The following ST6GALNAC3 variants were observed in gnomAD, a reference collection of about 807,000 sequenced individuals.
ST6GALNAC3 encodes ST6 N-acetylgalactosaminide alpha-2,6-sialyltransferase 3.
Under a neutral mutation model 32.7 loss-of-function variants are expected in ST6GALNAC3, and 25 were observed. That is an observed-to-expected ratio of 0.76 (90% CI 0.56 to 1.07). The LOEUF (loss-of-function observed/expected upper bound fraction) is 1.07. Ranked by LOEUF, ST6GALNAC3 falls within the 50% of genes least tolerant of loss-of-function variation. The probability of loss-of-function intolerance (pLI) is 0.00; values close to 1 mark genes in which losing one functional copy is unlikely to be tolerated. For synonymous variants in ST6GALNAC3, 129 were observed against 133.1 expected, an observed-to-expected ratio of 0.97 and a Z score of 0.21; for missense variants, 355 against 382.4, an observed-to-expected ratio of 0.93 and a Z score of 0.60.
intron 3 of ST6GALNAC3, among the ~76,000 whole-genome samples, chr1:76,448,839 G>A (rs970879664): frequency 6.6e-6 from 1 of 151,928 alleles, no homozygotes; most frequent in African/African-American, 2.4e-5. Context: ...CCCAGTCTTG[G>A]GTATGTCTTT....
chr1:76,508,026 T>TA (rs1661586012), intron 3 of ST6GALNAC3, among the ~76,000 whole-genome samples: 1 of 152,218 alleles, frequency 6.6e-6, no homozygotes, highest in African/African-American at 2.4e-5. Flanking sequence ...TCCTGTTGGC[T>TA]AATAATGTTG....
At chr1:76,303,098 G>T (rs1375241838) in intron 1 of ST6GALNAC3, among the ~76,000 whole-genome samples, 1 of 102,156 alleles carries the variant, frequency 9.8e-6, no homozygotes. Context: ...AAAGGTCACA[G>T]TCCTATGCAA....
intron 1 of ST6GALNAC3, among the ~76,000 whole-genome samples, chr1:76,096,950 G>A (rs1483817765): frequency 9.2e-5 from 13 of 141,698 alleles, no homozygotes; most frequent in Admixed American, 8.8e-4. Context: ...ACAGAGTCTC[G>A]CTTTTTTACC....
chr1:76,340,294 A>T (rs768464700), intron 2 of ST6GALNAC3, among the ~76,000 whole-genome samples: 2 of 152,254 alleles, frequency 1.3e-5, no homozygotes, highest in Non-Finnish European at 2.9e-5. Flanking sequence ...GCCTAGAAAT[A>T]GGAGTATTTT....
At chr1:76,443,319 T>C (rs1571243612) in intron 3 of ST6GALNAC3, among the ~76,000 whole-genome samples, 1 of 152,160 alleles carries the variant, frequency 6.6e-6, no homozygotes, top group African/African-American at 2.4e-5. Flanking sequence ...GTGTTATCTA[T>C]GGATAAACTT....
chr1:76,568,158 T>G (rs1158323828), intron 3 of ST6GALNAC3, among the ~76,000 whole-genome samples: 11 of 152,188 alleles, frequency 7.2e-5, no homozygotes, highest in African/African-American at 2.7e-4. Flanking sequence ...CATTCCATCT[T>G]GTATCATTCC....
At chr1:76,476,782 T>G (rs759336870) in intron 3 of ST6GALNAC3, among the ~76,000 whole-genome samples, 9 of 152,158 alleles carry the variant, frequency 5.9e-5, no homozygotes, top group Non-Finnish European at 1.2e-4. Flanking sequence ...TTTATGAAAA[T>G]GAGCAGCTGG....
Position 76,611,724 on chromosome 1 carries a change from G to A in ST6GALNAC3, c.624-15728G>A, listed in dbSNP as rs548386375. On this transcript the variant is annotated intron_variant, in intron 3 of 4. Transcript: ENST00000328299. ...TAATAATAATCAAAGGAAAATTTTGGTGGTCTGTTGCAATATGAAATCAGG... is the reference window on the plus strand; with the variant it reads ...TAATAATAATCAAAGGAAAATTTTGATGGTCTGTTGCAATATGAAATCAGG... Among the ~76,000 whole-genome samples, 7 of 152,222 alleles carry A rather than the reference G, an allele frequency of 4.6e-5. No homozygotes were observed. The South Asian group carries it at 1.5e-3, about 32-fold the overall frequency.
intron 3 of ST6GALNAC3, among the ~76,000 whole-genome samples, chr1:76,485,106 C>T (rs1660019835): frequency 6.6e-6 from 1 of 152,140 alleles, no homozygotes; most frequent in African/African-American, 2.4e-5. Flanking sequence ...TTTTGATGTG[C>T]TGCTGGATTC....
At chr1:76,346,888 T>C (rs1205276249) in intron 2 of ST6GALNAC3, among the ~76,000 whole-genome samples, 1 of 152,306 alleles carries the variant, frequency 6.6e-6, no homozygotes, top group African/African-American at 2.4e-5. Context: ...AATAAATTAC[T>C]ATTATTATAA....
rs560280213 is a variant in ST6GALNAC3 at position 76,500,413 on chromosome 1, C to T, written c.623+87996C>T. Among the ~76,000 whole-genome samples the T allele has an allele frequency of 3.3e-5, 5 of 152,294 alleles. No homozygotes were observed. In the East Asian group the frequency reaches 5.8e-4, roughly 18 times the overall value. ...AAACTACAAGTACCCATTCATAGAACATCAGTAAAACTGTTTTATTAAGAT... is the reference window on the plus strand; with the variant it reads ...AAACTACAAGTACCCATTCATAGAATATCAGTAAAACTGTTTTATTAAGAT... On this transcript the variant is annotated intron_variant, in intron 3 of 4. Coordinates refer to ENST00000328299, the MANE Select transcript of ST6GALNAC3 (RefSeq NM_152996.4).
chr1:76,525,854 C>G (rs1662881751), intron 3 of ST6GALNAC3, among the ~76,000 whole-genome samples: 1 of 128,234 alleles, frequency 7.8e-6, no homozygotes, highest in South Asian at 2.8e-4. Context: ...ACTAAGACAA[C>G]TCATTCAGTA....
chr1:76,522,106 C>T (rs990389190), intron 3 of ST6GALNAC3, among the ~76,000 whole-genome samples: 3 of 148,756 alleles, frequency 2.0e-5, no homozygotes, highest in Admixed American at 1.3e-4. Context: ...AAAAAAAACA[C>T]CATTCTAATT....
At chr1:76,212,436 C>T (rs1655219616) in intron 1 of ST6GALNAC3, among the ~76,000 whole-genome samples, 1 of 151,596 alleles carries the variant, frequency 6.6e-6, no homozygotes, top group Non-Finnish European at 1.5e-5. Flanking sequence ...GATTTTTAAT[C>T]AAAAGCCTTA....
chr1:76,090,352 C>A (rs1392853986), intron 1 of ST6GALNAC3, among the ~76,000 whole-genome samples: 2 of 152,220 alleles, frequency 1.3e-5, no homozygotes, highest in Non-Finnish European at 2.9e-5. Context: ...ATTAGTCTCA[C>A]TGATAAGCAG....
intron 1 of ST6GALNAC3, among the ~76,000 whole-genome samples, chr1:76,303,598 C>T (rs1468799547): frequency 1.3e-5 from 2 of 152,052 alleles, no homozygotes; most frequent in South Asian, 2.1e-4. Context: ...AAGTCCCTTC[C>T]ACTAAAAAAT....
intron 1 of ST6GALNAC3, among the ~76,000 whole-genome samples, chr1:76,104,377 G>T (rs1409194304): frequency 6.6e-6 from 1 of 152,168 alleles, no homozygotes; most frequent in East Asian, 1.9e-4. Context: ...ATGATCCATA[G>T]ACCTCTGCAA....
intron 1 of ST6GALNAC3, among the ~76,000 whole-genome samples, chr1:76,116,202 A>G (rs1295666337): frequency 6.6e-6 from 1 of 152,104 alleles, no homozygotes; most frequent in Middle Eastern, 3.2e-3. Flanking sequence ...TCTGTCATTG[A>G]AGAGAATGAA....
chr1:76,384,250 A>G (rs552260692), intron 2 of ST6GALNAC3, among the ~76,000 whole-genome samples: 1 of 152,280 alleles, frequency 6.6e-6, no homozygotes, highest in Non-Finnish European at 1.5e-5. Context: ...CTGTACTGAT[A>G]TTAGGCATTA....
Sources: allele counts gnomAD v4.1 joint callset (sites outside exome capture counted in the v4.1 genomes callset), GRCh38; gene constraint gnomAD v4.1.1; transcripts MANE v1.5; gene names NCBI Gene and HGNC (gene_info 2026-07-23, HGNC 2026-07-21).